Variants in CZIB observed in about 807,000 individuals in gnomAD.
The protein encoded by CZIB is UPF0587 protein C1orf123.
Under a neutral mutation model 28.3 loss-of-function variants are expected in CZIB, and 26 were observed. The observed-to-expected ratio is 0.92, with a 90% CI of 0.67 to 1.27. The LOEUF (loss-of-function observed/expected upper bound fraction) is 1.27, where lower values mean the gene tolerates loss of function less well. Among genes scored for constraint, CZIB ranks in the 50% most tolerant of loss-of-function variants. The pLI is 0.00. For missense variants in CZIB, 179 were observed against 197.3 expected (o/e 0.91, Z 0.56); for synonymous variants, 78 against 71.1 (o/e 1.10, Z -0.49).
intron 2 of CZIB, 92 bp from the exon 3 acceptor site, chr1:53,219,015 G>T: frequency 9.3e-7 from 1 of 1,078,520 alleles, no homozygotes; most frequent in Non-Finnish European, 1.4e-6. Flanking sequence ...GCAGGCTCAT[G>T]ATCTACCTTC....
chr1:53,220,203 C>T, intron 2 of CZIB, 58 bp downstream of exon 2: 3 of 1,440,868 alleles, frequency 2.1e-6, no homozygotes, highest in Non-Finnish European at 2.9e-6. Context: ...GAGAAGGCTC[C>T]GGTTCAGCAC....
rs1192293834 is a variant in CZIB at position 53,220,285 on chromosome 1, G to A, written c.66C>T (p.Gly22=). ...CCTTCAGGTACCACCGGAAGTCCTC[G>A]CCCACGGGCCGGAGGTTGGTGATGT... is the stretch of plus-strand genomic sequence containing the variant. ...LENITNLRPV[G]EDFRWYLKMK... Residue 22 remains glycine (G), a synonymous_variant, in exon 2 of 8, where the codon GGC becomes GGT. Transcript: ENST00000294360. The A allele has an allele frequency of 5.0e-6, 8 of 1,613,336 alleles. No homozygotes were observed. Among genetic ancestry groups the A allele is most frequent in the African/African-American group, 1.3e-5 (1 of 74,908 alleles).
chr1:53,220,215 G>T (rs376011269), intron 2 of CZIB, 46 bp downstream of exon 2: 5 of 1,536,782 alleles, frequency 3.3e-6, no homozygotes, highest in Non-Finnish European at 4.5e-6. Context: ...GTTCAGCACT[G>T]AGATCAGGAC....
rs532772009 is a variant in CZIB, at chr1:53,214,372, C to A, written c.*287G>T. On this transcript the variant is annotated 3_prime_UTR_variant, in exon 8 of 8. Transcript: ENST00000294360. ...CCCTTGACTGGGGAGATACCATCTC[C>A]TTAAAAATACTCTTCATTTTCCTAA... The A allele has an allele frequency of 6.4e-5, 23 of 360,986 alleles. No homozygotes were observed. The highest frequency in any genetic ancestry group is 4.5e-4 in the African/African-American group (22 of 49,378). The allele number at this position is 360,986 out of a possible 1,614,324, so 22.4% of individuals were successfully genotyped here. A position where few individuals can be genotyped will look rare whatever the true frequency, so the allele number is the denominator to read the frequency against.
At chr1:53,215,082 G>C (rs1645461580) in intron 7 of CZIB, among the ~76,000 whole-genome samples, 1 of 152,222 alleles carries the variant, frequency 6.6e-6, no homozygotes, top group African/African-American at 2.4e-5. Context: ...GCTCATGCCT[G>C]TAATCCCAGC....
Position 53,218,854 on chromosome 1 carries a change from G to A in CZIB, c.147+13C>T, listed in dbSNP as rs758887168. 7 of 1,609,622 alleles carry A rather than the reference G, an allele frequency of 4.3e-6. 1 individual carries two copies. Among genetic ancestry groups the A allele is most frequent in the Middle Eastern group, 3.3e-4 (2 of 6,074 alleles). ...TGAGTGTTTATGTTGGGGGTTGGGCGGGGAACAGTTACCATCAGCCGGATG... is the reference window on the plus strand; with the variant it reads ...TGAGTGTTTATGTTGGGGGTTGGGCAGGGAACAGTTACCATCAGCCGGATG... On this transcript the variant is annotated intron_variant, in intron 3 of 7. Transcript: ENST00000294360.
chr1:53,219,212 G>C lies in CZIB; in HGVS notation c.91-289C>G. The C allele has an allele frequency of 4.8e-6, 2 of 420,334 alleles. 1 individual carries two copies. Among genetic ancestry groups the C allele is most frequent in the Non-Finnish European group, 8.5e-6 (2 of 234,954 alleles). 26.0% of individuals were successfully genotyped at this position (420,334 alleles called of 1,614,324 possible). On this transcript the variant is annotated intron_variant, in intron 2 of 7. Coordinates refer to ENST00000294360, the MANE Select transcript of CZIB (RefSeq NM_017887.3). ...GAAATGGTTTCAGCGGAGGTGAGGG[G>C]GGGGAATATGGAGAGATTTGTTAGA...
At chr1:53,218,829 T>A (rs774362269) in intron 3 of CZIB, 38 bp downstream of exon 3, 6 of 1,562,148 alleles carry the variant, frequency 3.8e-6, no homozygotes, top group Non-Finnish European at 3.5e-6. Context: ...TGTGTGTTTG[T>A]GAGTGTTTAT....
rs150949897 is a variant in CZIB, at chr1:53,219,185, C to G, written c.91-262G>C. 399 of 457,534 alleles carry G rather than the reference C, an allele frequency of 8.7e-4. 1 individual carries two copies. The highest frequency in any genetic ancestry group is 6.5e-3 in the African/African-American group (325 of 49,808). The allele number at this position is 457,534 out of a possible 1,614,324, so 28.3% of individuals were successfully genotyped here. A position where few individuals can be genotyped will look rare whatever the true frequency, so the allele number is the denominator to read the frequency against. ...CCGGGGATTCAAGGCACCTGTGGTG[C>G]AGAAATGGTTTCAGCGGAGGTGAGG... On this transcript the variant is annotated intron_variant, in intron 2 of 7. Transcript: ENST00000294360.
At chr1:53,215,061 C>T (rs757296094) in intron 7 of CZIB, among the ~76,000 whole-genome samples, 3 of 152,148 alleles carry the variant, frequency 2.0e-5, no homozygotes, top group Non-Finnish European at 2.9e-5. Context: ...ACTCAGCAGC[C>T]GGGCGTGGTG....
At chr1:53,216,985 C>T in intron 5 of CZIB, 126 bp from the exon 6 acceptor site, 1 of 786,026 alleles carries the variant, frequency 1.3e-6, no homozygotes, top group Non-Finnish European at 2.2e-6. Flanking sequence ...CCAGGAAGAA[C>T]TCATCCCCTT....
chr1:53,219,196 T>C, intron 2 of CZIB: 1 of 429,206 alleles, frequency 2.3e-6, no homozygotes. Flanking sequence ...AGAAATGGTT[T>C]CAGCGGAGGT....
chr1:53,220,240 CG>C lies in CZIB; in HGVS notation c.90+20del. On this transcript the variant is annotated intron_variant, in intron 2 of 7. Transcript: ENST00000294360. ...GAGATCAGGACGGGCCTCCTCTCCC[CG>C]GGCCCCGCCCCGGCCGCACCTTCAG... 1 of 1,608,714 alleles carries C rather than the reference CG, an allele frequency of 6.2e-7. No homozygotes were observed. The highest frequency in any genetic ancestry group is 1.1e-5 in the South Asian group (1 of 90,904).
chr1:53,218,320 A>T, intron 4 of CZIB, 94 bp downstream of exon 4: 1 of 1,579,090 alleles, frequency 6.3e-7, no homozygotes, highest in Non-Finnish European at 8.7e-7. Flanking sequence ...CTTAGGCCTG[A>T]CTCCACCCTC....
rs771615618 is a variant in CZIB at position 53,214,634 on chromosome 1, A to G, written c.*25T>C. 2.8e-5 allele frequency: 45 copies of G among 1,606,144 alleles called. No individual in the cohort carries two copies. The highest frequency in any genetic ancestry group is 3.7e-5 in the Non-Finnish European group (43 of 1,173,208). On this transcript the variant is annotated 3_prime_UTR_variant, in exon 8 of 8. Coordinates refer to ENST00000294360, the MANE Select transcript of CZIB (RefSeq NM_017887.3). The stretch of plus-strand genomic sequence containing the variant: ...AGTACTTTGTCCTTTCTCAGTTCTT[A>G]AGGGCAACTGGGAAGGAAGAGGGAT...
Position 53,218,180 on chromosome 1 carries a change from G to C in CZIB, c.253C>G (p.Pro85Ala), listed in dbSNP as rs776731664. ...SIEILSSTIKPYNAEDNENFK... is the reference protein window; with the variant it reads ...SIEILSSTIKAYNAEDNENFK... ...TACAGCAGCAAACTTACATTGTAAG[G>C]CTTGATGGTGCTGCTTAAAATCTCT... The change falls in exon 5 of 8, where the codon CCT (proline) becomes GCT (alanine). Residue 85 changes from proline to alanine, a missense_variant. Coordinates refer to ENST00000294360, the MANE Select transcript of CZIB (RefSeq NM_017887.3). 4.3e-6 allele frequency: 7 copies of C among 1,614,112 alleles called. No homozygotes were observed. In the South Asian group the frequency reaches 6.6e-5, roughly 15 times the overall value.
intron 1 of CZIB, 69 bp from the exon 2 acceptor site, chr1:53,220,413 G>A (rs1645515369): frequency 6.3e-7 from 1 of 1,582,340 alleles, no homozygotes; most frequent in Non-Finnish European, 8.6e-7. Context: ...CGACCCTCCC[G>A]CATTCCCAGC....
intron 5 of CZIB, chr1:53,217,851 C>A (rs1645483738): frequency 2.9e-6 from 1 of 343,004 alleles, no homozygotes; most frequent in East Asian, 5.6e-5. Context: ...ACTACCCCAC[C>A]CATGGTTTCA....
rs1380866185 is a variant in CZIB, at chr1:53,214,324, G to A, written c.*335C>T. The A allele has an allele frequency of 3.3e-5, 8 of 241,374 alleles. 1 individual carries two copies. Among genetic ancestry groups the A allele is most frequent in the Non-Finnish European group, 3.2e-5 (4 of 123,304 alleles). 15.0% of individuals were successfully genotyped at this position (241,374 alleles called of 1,614,324 possible). On this transcript the variant is annotated 3_prime_UTR_variant, in exon 8 of 8. Coordinates refer to ENST00000294360, the MANE Select transcript of CZIB (RefSeq NM_017887.3). Reference sequence around the variant, plus strand: ...TGGCTCATTGAGTGATGGTGGGATCGCGGTTTCATCTCTGTAAACTTGCCC... The same window carrying A: ...TGGCTCATTGAGTGATGGTGGGATCACGGTTTCATCTCTGTAAACTTGCCC...
Sources: gnomAD v4.1 joint callset for allele counts (sites outside exome capture counted in the v4.1 genomes callset) on GRCh38, gnomAD v4.1.1 for gene constraint, MANE v1.5 for transcripts, NCBI Gene and HGNC (gene_info 2026-07-23, HGNC 2026-07-21) for gene names.